The following DOCK3 variants were observed in gnomAD, a reference collection of about 807,000 sequenced individuals.
DOCK3 encodes dedicator of cytokinesis protein 3.
DOCK3 carries 60 observed loss-of-function variants against 265.6 expected under a neutral mutation model. The observed-to-expected ratio is 0.23, with a 90% CI of 0.18 to 0.28. The LOEUF (loss-of-function observed/expected upper bound fraction) is 0.28. DOCK3 is among the 10% of genes least tolerant of loss of function. The pLI is 1.00. For synonymous variants in DOCK3, 881 were observed against 938.0 expected (o/e 0.94, Z 1.11); for missense variants, 1,981 against 2,594.3 (o/e 0.76, Z 5.14).
chr3:50,797,223 CTG>C (rs2042838800), intron 2 of DOCK3, among the ~76,000 whole-genome samples: 1 of 152,086 alleles, frequency 6.6e-6, no homozygotes, highest in Middle Eastern at 3.2e-3. Flanking sequence ...CTGCTGGTGA[CTG>C]TGCAAATGGT....
At chr3:50,898,320 G>T (rs200449628) in intron 4 of DOCK3, among the ~76,000 whole-genome samples, 6 of 152,006 alleles carry the variant, frequency 3.9e-5, no homozygotes, top group East Asian at 1.9e-4. Flanking sequence ...GGATCAGTGG[G>T]GATATCCCCT....
At chr3:51,172,144 C>T (rs2086711969) in intron 12 of DOCK3, among the ~76,000 whole-genome samples, 1 of 150,936 alleles carries the variant, frequency 6.6e-6, no homozygotes. Context: ...GCCACTCCTA[C>T]TCTCTTTTGG....
chr3:50,970,480 C>T (rs192438136), intron 5 of DOCK3, among the ~76,000 whole-genome samples: 171 of 152,032 alleles, frequency 1.1e-3, no homozygotes, highest in Non-Finnish European at 1.8e-3. Context: ...AGGCTTTTCA[C>T]TTTTTAAATC....
rs1397745867 is a variant in DOCK3 at position 50,812,752 on chromosome 3, C to T, written c.122-28923C>T. 2.6e-5 allele frequency among the ~76,000 whole-genome samples: 4 copies of T among 152,202 alleles called. No individual in the cohort carries two copies. In the East Asian group the frequency reaches 7.7e-4, roughly 29 times the overall value. ...TACTGATTCCAGTGTTAATCTCATCCAGAAACACCCTCACAGACACATCCA... is the reference window on the plus strand; with the variant it reads ...TACTGATTCCAGTGTTAATCTCATCTAGAAACACCCTCACAGACACATCCA... On this transcript the variant is annotated intron_variant, in intron 2 of 52. Transcript: ENST00000266037.
chr3:50,821,144 T>G (rs1056362685), intron 2 of DOCK3, among the ~76,000 whole-genome samples: 1 of 119,732 alleles, frequency 8.4e-6, no homozygotes, highest in Non-Finnish European at 2.0e-5. Flanking sequence ...TTTTTTCTTT[T>G]TTTTTTTTTT....
intron 3 of DOCK3, among the ~76,000 whole-genome samples, chr3:50,887,973 C>T (rs1340251973): frequency 2.0e-5 from 3 of 152,152 alleles, no homozygotes; most frequent in East Asian, 1.9e-4. Flanking sequence ...CCTCTCTCAC[C>T]ACTCCTGTTC....
intron 24 of DOCK3, among the ~76,000 whole-genome samples, chr3:51,274,054 C>T (rs897561969): frequency 5.9e-5 from 9 of 152,166 alleles, no homozygotes; most frequent in African/African-American, 1.9e-4. Context: ...AATAAGGGAG[C>T]TTGAAGTAGG....
intron 10 of DOCK3, among the ~76,000 whole-genome samples, chr3:51,154,432 G>A (rs2085749025): frequency 6.6e-6 from 1 of 152,110 alleles, no homozygotes; most frequent in African/African-American, 2.4e-5. Flanking sequence ...AAGAATGAAA[G>A]AAAGAATCTA....
intron 27 of DOCK3, among the ~76,000 whole-genome samples, chr3:51,299,734 C>T (rs1291977235): frequency 6.6e-6 from 1 of 152,102 alleles, no homozygotes; most frequent in African/African-American, 2.4e-5. Context: ...GATATGCAGT[C>T]TTATTTCTGA....
chr3:51,229,547 C>T lies in DOCK3; in HGVS notation c.1855C>T (p.Pro619Ser), dbSNP rs2090460480. The T allele has an allele frequency of 6.2e-7, 1 of 1,607,932 alleles. No homozygotes were observed. The highest frequency in any genetic ancestry group is 8.5e-7 in the Non-Finnish European group (1 of 1,177,082). Reference sequence around the variant, plus strand: ...AGCTCTGCTGAAGTGGAAAGCCTTCCCCGACCGGATCATGGATGTACTAGG... The same window carrying T: ...AGCTCTGCTGAAGTGGAAAGCCTTCTCCGACCGGATCATGGATGTACTAGG... Reference protein sequence around the residue: ...LLALLKWKAFPDRIMDVLGRL... With the variant: ...LLALLKWKAFSDRIMDVLGRL... The change falls in exon 19 of 53, where the codon CCC becomes TCC. Residue 619 changes from proline to serine, a missense_variant. Physicochemically the swap from Pro to Ser is moderately conservative, Grantham distance 74. Transcript: ENST00000266037.
intron 2 of DOCK3, among the ~76,000 whole-genome samples, chr3:50,783,793 G>C (rs2042044022): frequency 6.6e-6 from 1 of 151,440 alleles, no homozygotes; most frequent in Non-Finnish European, 1.5e-5. Context: ...TGTCTAGAAG[G>C]GGTTTTCCGA....
intron 4 of DOCK3, among the ~76,000 whole-genome samples, chr3:50,928,829 T>C (rs763942349): frequency 6.6e-6 from 1 of 152,242 alleles, no homozygotes; most frequent in Non-Finnish European, 1.5e-5. Context: ...GGTACGAAAG[T>C]CATATGCATT....
chr3:50,729,173 T>C (rs1266321751), intron 1 of DOCK3, among the ~76,000 whole-genome samples: 1 of 147,948 alleles, frequency 6.8e-6, no homozygotes, highest in Non-Finnish European at 1.5e-5. Flanking sequence ...ATACAAAAAT[T>C]AGCCAGGTGT....
At chr3:50,739,739 T>C (rs1424453901) in intron 1 of DOCK3, among the ~76,000 whole-genome samples, 1 of 152,158 alleles carries the variant, frequency 6.6e-6, no homozygotes, top group Non-Finnish European at 1.5e-5. Flanking sequence ...TCTGTTTTTT[T>C]CTTCTTACTA....
intron 5 of DOCK3, among the ~76,000 whole-genome samples, chr3:51,000,306 T>A (rs2078432151): frequency 6.6e-6 from 1 of 152,224 alleles, no homozygotes; most frequent in African/African-American, 2.4e-5. Context: ...CAAAAGTGTC[T>A]TGTGGCAGCG....
At chr3:51,236,631 A>G (rs1347007990) in intron 20 of DOCK3, among the ~76,000 whole-genome samples, 2 of 152,202 alleles carry the variant, frequency 1.3e-5, no homozygotes, top group Admixed American at 6.5e-5. Flanking sequence ...AATCAAGTCC[A>G]GACCTTGACT....
At chr3:51,116,681 T>C (rs989457138) in intron 9 of DOCK3, among the ~76,000 whole-genome samples, 4 of 152,106 alleles carry the variant, frequency 2.6e-5, no homozygotes, top group African/African-American at 9.7e-5. Flanking sequence ...CCTTCACATT[T>C]CTTGTAAGTT....
At chr3:51,136,490 G>A (rs1266198689) in intron 9 of DOCK3, among the ~76,000 whole-genome samples, 4 of 151,910 alleles carry the variant, frequency 2.6e-5, no homozygotes, top group Admixed American at 1.3e-4. Flanking sequence ...CACCCGTCTC[G>A]GCCTCCCAAA....
rs978220339 is a variant in DOCK3 at position 50,833,711 on chromosome 3, G to A, written c.122-7964G>A. 4.6e-5 allele frequency among the ~76,000 whole-genome samples: 7 copies of A among 152,130 alleles called. No homozygotes were observed. In the East Asian group the frequency reaches 5.8e-4, roughly 13 times the overall value. ...CCATGAGGCTTTTATTGCTCTACACGTCAAGTTTGATTCCTTAAAGGAAAG... is the reference window on the plus strand; with the variant it reads ...CCATGAGGCTTTTATTGCTCTACACATCAAGTTTGATTCCTTAAAGGAAAG... On this transcript the variant is annotated intron_variant, in intron 2 of 52. Coordinates refer to ENST00000266037, the MANE Select transcript of DOCK3 (RefSeq NM_004947.5).
Sources: allele counts gnomAD v4.1 joint callset (sites outside exome capture counted in the v4.1 genomes callset), GRCh38; gene constraint gnomAD v4.1.1; transcripts MANE v1.5; gene names NCBI Gene and HGNC (gene_info 2026-07-23, HGNC 2026-07-21).